Variants in SPOCD1 observed in about 807,000 individuals in gnomAD.
SPOCD1 encodes the protein SPOC domain-containing protein 1.
In SPOCD1, 64 loss-of-function variants were observed where a neutral mutation model predicts 92.2. The observed-to-expected ratio is 0.69, with a 90% CI of 0.57 to 0.86. The LOEUF (loss-of-function observed/expected upper bound fraction) is 0.86, where lower values mean the gene tolerates loss of function less well. Ranked by LOEUF, SPOCD1 falls within the 40% of genes least tolerant of loss-of-function variation. The pLI, the probability that SPOCD1 is intolerant of heterozygous loss-of-function variation, is 0.00. For synonymous variants in SPOCD1, 578 were observed against 619.3 expected, an observed-to-expected ratio of 0.93 and a Z score of 0.99; for missense variants, 1,360 against 1,543.1, an observed-to-expected ratio of 0.88 and a Z score of 1.99.
intron 2 of SPOCD1, among the ~76,000 whole-genome samples, chr1:31,804,985 C>CTTTCTTTTTTTTTT (rs1553199549): frequency 4.7e-5 from 5 of 105,914 alleles, no homozygotes; most frequent in African/African-American, 7.2e-5. Context: ...TTCTTTCTTT[C>CTTTCTTTTTTTTTT]TTTTTTTTTT....
chr1:31,803,001 G>GA lies in SPOCD1; in HGVS notation c.1384-1297dup, dbSNP rs1406622990. ...AAAAAAGTAAACTGAGAAAGAGGCAGAAAAAAAAAAAACAAAGAAAACAGG... is the reference window on the plus strand; with the variant it reads ...AAAAAAGTAAACTGAGAAAGAGGCAGAAAAAAAAAAAAACAAAGAAAACAGG... On this transcript the variant is annotated intron_variant, in intron 2 of 15. Coordinates refer to ENST00000360482, the MANE Select transcript of SPOCD1 (RefSeq NM_144569.7). Among the ~76,000 whole-genome samples the GA allele has an allele frequency of 9.0e-3, 944 of 104,948 alleles. 6 individuals carry two copies. Among genetic ancestry groups the GA allele is most frequent in the South Asian group, 0.022 (69 of 3,154 alleles). The allele number at this position is 104,948 out of a possible 152,430, so 68.8% of individuals were successfully genotyped here. A position where few individuals can be genotyped will look rare whatever the true frequency, so the allele number is the denominator to read the frequency against.
In SPOCD1 at chr1:31,798,780, TTCTC is replaced by T. The variant is rs1356673955; in HGVS notation, c.1869-183_1869-180del. 1.5e-6 allele frequency: 1 copy of T among 651,768 alleles called. No homozygotes were observed. The highest frequency in any genetic ancestry group is 1.8e-5 in the African/African-American group (1 of 54,870). 40.4% of individuals were successfully genotyped at this position (651,768 alleles called of 1,614,324 possible). ...ACTCCGTGAGGAGGAAATAGGATCA[TTCTC>T]CTTTTATGGATGGGGTTACTGGGGC... On this transcript the variant is annotated intron_variant, in intron 7 of 15. Transcript: ENST00000360482. This position sits in a 1 kb window ranked among gnomAD's most constrained non-coding sequence, Gnocchi z 4.1.
At chr1:31,812,435 A>C (rs1278685999) in intron 2 of SPOCD1, among the ~76,000 whole-genome samples, 1 of 152,224 alleles carries the variant, frequency 6.6e-6, no homozygotes, top group East Asian at 1.9e-4. Context: ...GAACAAGGTG[A>C]ACCCACTGGG....
At position 31,800,134 on chromosome 1, in the gene SPOCD1, T is replaced by C; in HGVS notation, c.1610A>G (p.Gln537Arg). 1 of 1,602,444 alleles carries C rather than the reference T, an allele frequency of 6.2e-7. No homozygotes were observed. Among genetic ancestry groups the C allele is most frequent in the African/African-American group, 1.3e-5 (1 of 74,484 alleles). Residue 537 changes from glutamine (Q) to arginine (R), a missense_variant, in exon 5 of 16, where the codon CAG becomes CGG. This residue lies in a region of SPOCD1 where 606 missense variants were observed against 601.5 expected (regional missense o/e 1.01). Coordinates refer to ENST00000360482, the MANE Select transcript of SPOCD1 (RefSeq NM_144569.7). ...VQGPAGCQVF[Q>R]PSPSGGTAGD... ...TGCTGTGCCTCCTGAAGGAGAAGGCTGGAAAACCTTGGGGCAGGGAGCAGA... is the reference window on the plus strand; with the variant it reads ...TGCTGTGCCTCCTGAAGGAGAAGGCCGGAAAACCTTGGGGCAGGGAGCAGA...
At chr1:31,801,786 A>G (rs1648484077) in intron 2 of SPOCD1, 81 bp from the exon 3 acceptor site, 4 of 1,192,926 alleles carry the variant, frequency 3.4e-6, no homozygotes, top group Non-Finnish European at 5.0e-6. Context: ...AAAGAAGACA[A>G]TCTTGTTGAA....
chr1:31,793,990 T>A, intron 11 of SPOCD1, 93 bp from the exon 12 acceptor site: 1 of 1,534,616 alleles, frequency 6.5e-7, no homozygotes, highest in Middle Eastern at 2.2e-4. Context: ...CAGGTTCTTT[T>A]CTAGGTGACC....
At chr1:31,795,561 T>C (rs759835406) in intron 10 of SPOCD1, 2 of 151,364 alleles carry the variant, frequency 1.3e-5, no homozygotes, top group African/African-American at 4.9e-5. Flanking sequence ...GCTATCTAGG[T>C]CTTTCTCCTA....
chr1:31,803,070 C>CT (rs1648571179), intron 2 of SPOCD1, among the ~76,000 whole-genome samples: 1 of 148,634 alleles, frequency 6.7e-6, no homozygotes, highest in East Asian at 2.0e-4. Context: ...AGTTCAAAGC[C>CT]TTTTGGCTGG....
intron 2 of SPOCD1, among the ~76,000 whole-genome samples, chr1:31,809,424 ACT>A (rs1304149965): frequency 6.6e-6 from 1 of 151,798 alleles, no homozygotes; most frequent in East Asian, 1.9e-4. Flanking sequence ...AGATGTGTCC[ACT>A]CTATAACCTG....
In SPOCD1 at chr1:31,792,752, T is replaced by C. The variant is rs1365918869; in HGVS notation, c.2701A>G (p.Ile901Val). ...GAGGGGATGCAGCCTGCCGAGCGGA[T>C]CACGGTGGGCAGAGCCTAGGGGCAG... ...CRLVQALPTV[I>V]RSAGCIPSNI... The change falls in exon 14 of 16, where the codon ATC becomes GTC. Residue 901 changes from isoleucine to valine, a missense_variant. Physicochemically the swap from Ile to Val is conservative, Grantham distance 29. This residue lies in a region of SPOCD1 where 614 missense variants were observed against 757.8 expected (regional missense o/e 0.81). Transcript: ENST00000360482. 9.3e-6 allele frequency: 15 copies of C among 1,605,768 alleles called. No homozygotes were observed. The highest frequency in any genetic ancestry group is 1.1e-5 in the Non-Finnish European group (13 of 1,176,702).
At chr1:31,802,954 C>A (rs1648562060) in intron 2 of SPOCD1, among the ~76,000 whole-genome samples, 1 of 149,068 alleles carries the variant, frequency 6.7e-6, no homozygotes, top group Non-Finnish European at 1.5e-5. Flanking sequence ...TTTTTTGAAC[C>A]ATGGAAATGA....
At position 31,790,608 on chromosome 1, in the gene SPOCD1, C is replaced by A. The variant is rs1252023775; in HGVS notation, c.3646G>T (p.Ala1216Ser). ...AGSECPFPRK[A>S] is the part of the protein sequence containing the mutation. ...GTTCTGGTGGGTAAGGAGGGTCAGG[C>A]CTTTCTAGGGAAGGGACACTCAGAG... is the stretch of plus-strand genomic sequence containing the variant. Residue 1216 changes from alanine to serine, a missense_variant, in exon 16 of 16, where the codon GCC becomes TCC. By Grantham distance (99) the Ala-to-Ser change is moderately conservative (BLOSUM62 1). Coordinates refer to ENST00000360482, the MANE Select transcript of SPOCD1 (RefSeq NM_144569.7). 1.3e-6 allele frequency: 2 copies of A among 1,551,524 alleles called. No individual in the cohort carries two copies.
chr1:31,790,447 G>T lies in SPOCD1; in HGVS notation c.*156C>A. The T allele has an allele frequency of 1.4e-6, 1 of 730,000 alleles. No individual in the cohort carries two copies. Among genetic ancestry groups the T allele is most frequent in the Non-Finnish European group, 2.2e-6 (1 of 446,478 alleles). 45.2% of individuals were successfully genotyped at this position (730,000 alleles called of 1,614,324 possible). On this transcript the variant is annotated 3_prime_UTR_variant, in exon 16 of 16. Coordinates refer to ENST00000360482, the MANE Select transcript of SPOCD1 (RefSeq NM_144569.7). ...TCCCAATTTTACCAAATTCTTTATT[G>T]AACAAAAAATCAACAGCAAACATTG... is the stretch of plus-strand genomic sequence containing the variant.
In SPOCD1 at chr1:31,800,649, G is replaced by A. The variant is rs187258598; in HGVS notation, c.1426-32C>T. 1.1e-4 allele frequency: 168 copies of A among 1,552,480 alleles called. No homozygotes were observed. In the African/African-American group the frequency reaches 1.6e-3, roughly 15 times the overall value. On this transcript the variant is annotated intron_variant, in intron 3 of 15. Coordinates refer to ENST00000360482, the MANE Select transcript of SPOCD1 (RefSeq NM_144569.7). ...GGGAGATCGCACTTCAGAAGCAAGC[G>A]GGGCCAGCCGCTGTCCCCGCCTTCA... is the stretch of plus-strand genomic sequence containing the variant.
rs1315901452 is a variant in SPOCD1, at chr1:31,798,065, T to C, written c.2145+142A>G. 9 of 677,894 alleles carry C rather than the reference T, an allele frequency of 1.3e-5. No individual in the cohort carries two copies. Among genetic ancestry groups the C allele is most frequent in the Non-Finnish European group, 2.4e-5 (9 of 379,772 alleles). 42.0% of individuals were successfully genotyped at this position (677,894 alleles called of 1,614,324 possible). ...TGGGGAGGGTCTCTCTGACTCCCTA[T>C]CTGCCTTCTCTGTTTCCTTGTTTCT... On this transcript the variant is annotated intron_variant, in intron 9 of 15. Coordinates refer to ENST00000360482, the MANE Select transcript of SPOCD1 (RefSeq NM_144569.7). The surrounding 1 kb of genome is among the most constrained non-coding windows in gnomAD (Gnocchi z 4.1).
rs1424216311 is a variant in SPOCD1, at chr1:31,814,794, T to G, written c.540A>C (p.Arg180Ser). 6.2e-7 allele frequency: 1 copy of G among 1,613,354 alleles called. No homozygotes were observed. The highest frequency in any genetic ancestry group is 1.1e-5 in the South Asian group (1 of 91,012). ...GCTCCTCTTTGCTGAGTGTGGGGCT[T>G]CTTCTGTCACACCCTGGAGAACTCA... The part of the protein sequence containing the change: ...GGMSSPGCDR[R>S]SPTLSKEEPP... The change falls in exon 2 of 16, where the codon AGA becomes AGC. Residue 180 changes from arginine to serine, a missense_variant. This residue lies in a region of SPOCD1 where 606 missense variants were observed against 601.5 expected (regional missense o/e 1.01). Coordinates refer to ENST00000360482, the MANE Select transcript of SPOCD1 (RefSeq NM_144569.7). The surrounding 1 kb of genome is among the most constrained non-coding windows in gnomAD (Gnocchi z 4.2).
rs1328517307 is a variant in SPOCD1 at position 31,798,473 on chromosome 1, A to G, written c.1997T>C (p.Leu666Pro). ...NGRYKTKYRS[L>P]LFNLRDPRNL... Reference sequence around the variant, plus strand: ...CCTGGGGTCCCGCAGGTTGAACAGCAGGCTGCGATACTTGGTCTTGTACCG... The same window carrying G: ...CCTGGGGTCCCGCAGGTTGAACAGCGGGCTGCGATACTTGGTCTTGTACCG... Residue 666 changes from leucine (L) to proline (P), a missense_variant, in exon 8 of 16, where the codon CTG (leucine) becomes CCG (proline). By Grantham distance (98) the Leu-to-Pro change is moderately conservative. Coordinates refer to ENST00000360482, the MANE Select transcript of SPOCD1 (RefSeq NM_144569.7). The surrounding 1 kb of genome is among the most constrained non-coding windows in gnomAD (Gnocchi z 4.1). 2 of 1,613,262 alleles carry G rather than the reference A, an allele frequency of 1.2e-6. No individual in the cohort carries two copies. The highest frequency in any genetic ancestry group is 1.7e-6 in the Non-Finnish European group (2 of 1,179,540).
intron 2 of SPOCD1, 26 bp downstream of exon 2, chr1:31,813,925 A>G: frequency 2.7e-6 from 4 of 1,467,000 alleles, no homozygotes; most frequent in Non-Finnish European, 3.6e-6. Context: ...GGCCCTTCCT[A>G]TCCCAAACTC....
At position 31,790,835 on chromosome 1, in the gene SPOCD1, T is replaced by G; in HGVS notation, c.3419A>C (p.His1140Pro). Residue 1140 changes from histidine to proline, a missense_variant, in exon 16 of 16, where the codon CAC becomes CCC. Coordinates refer to ENST00000360482, the MANE Select transcript of SPOCD1 (RefSeq NM_144569.7). Reference sequence around the variant, plus strand: ...GGCTTGGTGGGGACAGGAGTCCCTGTGGAAGTGCTGGCCACGGCCAAAGCC... The same window carrying G: ...GGCTTGGTGGGGACAGGAGTCCCTGGGGAAGTGCTGGCCACGGCCAAAGCC... ...GHGFGRGQHFHRDSCPHQALL... is the reference protein window; with the variant it reads ...GHGFGRGQHFPRDSCPHQALL... 1 of 1,538,696 alleles carries G rather than the reference T, an allele frequency of 6.5e-7. No individual in the cohort carries two copies. Among genetic ancestry groups the G allele is most frequent in the Non-Finnish European group, 8.8e-7 (1 of 1,142,004 alleles).
Sources: gnomAD v4.1 joint callset for allele counts (sites outside exome capture counted in the v4.1 genomes callset) on GRCh38, gnomAD v4.1.1 for gene constraint, gnomAD v4.1.1 regional missense constraint, Gnocchi (gnomAD v3.1) non-coding constraint, MANE v1.5 for transcripts, NCBI Gene and HGNC (gene_info 2026-07-23, HGNC 2026-07-21) for gene names.